COL9A2: variants seen among roughly 807,000 people sequenced by gnomAD.
COL9A2 encodes the protein collagen alpha-2(IX) chain.
COL9A2 carries 66 observed loss-of-function variants against 111.6 expected under a neutral mutation model. That is an observed-to-expected ratio of 0.59 (90% CI 0.48 to 0.73). COL9A2 has a LOEUF of 0.73. COL9A2 is among the 30% of genes least tolerant of loss of function. COL9A2 has a pLI of 0.00. For synonymous variants in COL9A2, 353 were observed against 364.1 expected, an observed-to-expected ratio of 0.97 and a Z score of 0.35; for missense variants, 881 against 954.1, an observed-to-expected ratio of 0.92 and a Z score of 1.01.
rs1443709339 is a variant in COL9A2, at chr1:40,302,819, G to A, written c.1604-10C>T. 1 of 1,505,948 alleles carries A rather than the reference G, an allele frequency of 6.6e-7. No homozygotes were observed. The highest frequency in any genetic ancestry group is 8.8e-7 in the Non-Finnish European group (1 of 1,132,220). 93.3% of individuals were successfully genotyped at this position (1,505,948 alleles called of 1,614,324 possible). The stretch of plus-strand genomic sequence containing the variant: ...ACCTCTGCCAGTTGCTCTGGAGGGA[G>A]GGAGGGAGGGAGGGAGAGGGAAGTC... On this transcript the variant is annotated splice_polypyrimidine_tract_variant and intron_variant, in intron 29 of 31. Transcript: ENST00000372748. This position sits in a 1 kb window ranked among gnomAD's most constrained non-coding sequence, Gnocchi z 4.5.
Position 40,317,204 on chromosome 1 carries a change from C to T in COL9A2, c.-7G>A, listed in dbSNP as rs768499491. 15 of 1,554,924 alleles carry T rather than the reference C, an allele frequency of 9.6e-6. No homozygotes were observed. The South Asian group carries it at 1.4e-4, about 15-fold the overall frequency. On this transcript the variant is annotated 5_prime_UTR_variant, in exon 1 of 32. Transcript: ENST00000372748. This position sits in a 1 kb window ranked among gnomAD's most constrained non-coding sequence, Gnocchi z 4.3. ...AGGCCGTAGCGGCGGCCATGGCTGG[C>T]GGCGAGACCAAGGGGGACGGGTGCG...
In COL9A2 at chr1:40,315,321, G is replaced by A. The variant is rs1203897439; in HGVS notation, c.150+269C>T. On this transcript the variant is annotated intron_variant, in intron 2 of 31. Coordinates refer to ENST00000372748, the MANE Select transcript of COL9A2 (RefSeq NM_001852.4). ...CACAAGGAGGGGAAAGGAGAGGAGG[G>A]GGATGAGGCCTCGCTGTGAGCTGCG... 5 of 1,313,420 alleles carry A rather than the reference G, an allele frequency of 3.8e-6. No homozygotes were observed. In the African/African-American group the frequency reaches 7.6e-5, roughly 20 times the overall value. 81.4% of individuals were successfully genotyped at this position (1,313,420 alleles called of 1,614,324 possible). A position where few individuals can be genotyped will look rare whatever the true frequency, so the allele number is the denominator to read the frequency against.
At chr1:40,315,488 C>T (rs1369055662) in intron 2 of COL9A2, 102 bp downstream of exon 2, 1 of 1,474,598 alleles carries the variant, frequency 6.8e-7, no homozygotes, top group Non-Finnish European at 9.0e-7. Context: ...AGGGGCACTA[C>T]ATCTCCGGGC....
Position 40,307,868 on chromosome 1 carries a change from GGT to G in COL9A2, c.901-114_901-113del. ...CAGTGTGCAGGGAGGGAGTGGCTCT[GGT>G]CATCCCAGGAAGCCCCACTGGCCAA... On this transcript the variant is annotated intron_variant, in intron 17 of 31. Transcript: ENST00000372748. This position sits in a 1 kb window ranked among gnomAD's most constrained non-coding sequence, Gnocchi z 4.8. 8.3e-7 allele frequency: 1 copy of G among 1,198,316 alleles called. No homozygotes were observed. The highest frequency in any genetic ancestry group is 1.2e-6 in the Non-Finnish European group (1 of 821,972). The allele number at this position is 1,198,316 out of a possible 1,614,324, so 74.2% of individuals were successfully genotyped here. A position where few individuals can be genotyped will look rare whatever the true frequency, so the allele number is the denominator to read the frequency against.
At chr1:40,301,620 G>A (rs1452717257) in intron 31 of COL9A2, among the ~76,000 whole-genome samples, 192 bp downstream of exon 31, 1 of 152,240 alleles carries the variant, frequency 6.6e-6, no homozygotes, top group East Asian at 1.9e-4. Context: ...ATCCTGGGAA[G>A]TCCTGAGAGG....
At chr1:40,301,539 C>T (rs904030663) in intron 31 of COL9A2, among the ~76,000 whole-genome samples, 158 bp from the exon 32 acceptor site, 1 of 152,184 alleles carries the variant, frequency 6.6e-6, no homozygotes, top group Non-Finnish European at 1.5e-5. Context: ...TGTCCCCTAC[C>T]CCCAGCTCCC....
At position 40,310,436 on chromosome 1, in the gene COL9A2, T is replaced by C; in HGVS notation, c.685-119A>G. 5 of 1,044,022 alleles carry C rather than the reference T, an allele frequency of 4.8e-6. No individual in the cohort carries two copies. Among genetic ancestry groups the C allele is most frequent in the Non-Finnish European group, 7.4e-6 (5 of 679,510 alleles). The allele number at this position is 1,044,022 out of a possible 1,614,324, so 64.7% of individuals were successfully genotyped here. A position where few individuals can be genotyped will look rare whatever the true frequency, so the allele number is the denominator to read the frequency against. On this transcript the variant is annotated intron_variant, in intron 13 of 31. Coordinates refer to ENST00000372748, the MANE Select transcript of COL9A2 (RefSeq NM_001852.4). This position sits in a 1 kb window ranked among gnomAD's most constrained non-coding sequence, Gnocchi z 4.9. Reference sequence around the variant, plus strand: ...TGAGGTAGGCAGCAGAGTCTCTGTCTCATGGATGGGACATGGAGGTTCAGA... The same window carrying C: ...TGAGGTAGGCAGCAGAGTCTCTGTCCCATGGATGGGACATGGAGGTTCAGA...
At position 40,316,664 on chromosome 1, in the gene COL9A2, GC is replaced by G. The variant is rs1245389350; in HGVS notation, c.75+458del. The G allele has an allele frequency of 9.2e-6, 4 of 436,848 alleles. No homozygotes were observed. The highest frequency in any genetic ancestry group is 3.4e-4 in the Middle Eastern group (1 of 2,918). The allele number at this position is 436,848 out of a possible 1,614,324, so 27.1% of individuals were successfully genotyped here. On this transcript the variant is annotated intron_variant, in intron 1 of 31. Coordinates refer to ENST00000372748, the MANE Select transcript of COL9A2 (RefSeq NM_001852.4). This position sits in a 1 kb window ranked among gnomAD's most constrained non-coding sequence, Gnocchi z 5.5. ...TCTCTGCCCTACCCGCGCGCCCGCA[GC>G]CCCCGGCGGCCCTCGGAAGGGAGAC...
chr1:40,309,637 C>T (rs1197421136), intron 16 of COL9A2, among the ~76,000 whole-genome samples: 1 of 152,052 alleles, frequency 6.6e-6, no homozygotes, highest in Non-Finnish European at 1.5e-5. Context: ...GGCAGACACA[C>T]ACACACTCAC....
chr1:40,311,457 C>T lies in COL9A2; in HGVS notation c.519+43G>A. 6.4e-7 allele frequency: 1 copy of T among 1,573,108 alleles called. No homozygotes were observed. Among genetic ancestry groups the T allele is most frequent in the Non-Finnish European group, 8.7e-7 (1 of 1,144,464 alleles). On this transcript the variant is annotated intron_variant, in intron 10 of 31. Transcript: ENST00000372748. The surrounding 1 kb of genome is among the most constrained non-coding windows in gnomAD (Gnocchi z 5.1). Reference sequence around the variant, plus strand: ...GGCCCCGCCTCCCCATCTCTGTGGCCCCGCCCCCCTGTGTTAGCCCCGCCC... The same window carrying T: ...GGCCCCGCCTCCCCATCTCTGTGGCTCCGCCCCCCTGTGTTAGCCCCGCCC...
intron 21 of COL9A2, chr1:40,305,070 T>C (rs956457263): frequency 3.1e-5 from 13 of 422,856 alleles, no homozygotes; most frequent in African/African-American, 2.4e-4. Context: ...TCTTTTTTTT[T>C]TTTTTTTTTT....
In COL9A2 at chr1:40,309,924, G is replaced by A. The variant is rs948927483; in HGVS notation, c.846+14C>T. ...CAGGGGTCCTGACTGAACAATGGGT[G>A]CCTGAGGACTCACCTCGTCACCCTT... On this transcript the variant is annotated intron_variant, in intron 16 of 31. Coordinates refer to ENST00000372748, the MANE Select transcript of COL9A2 (RefSeq NM_001852.4). 3 of 1,613,116 alleles carry A rather than the reference G, an allele frequency of 1.9e-6. No homozygotes were observed. The highest frequency in any genetic ancestry group is 2.5e-6 in the Non-Finnish European group (3 of 1,179,918).
Position 40,302,775 on chromosome 1 carries a change from C to T in COL9A2, c.1638G>A (p.Arg546=), listed in dbSNP as rs1400624460. ...QLAEVAVSAK[R]EALGAVGMMG... ...TCATGCCCACCGCACCCAGGGCTTCCCGCTTGGCACTCACGGCGACCTCTG... is the reference window on the plus strand; with the variant it reads ...TCATGCCCACCGCACCCAGGGCTTCTCGCTTGGCACTCACGGCGACCTCTG... The change falls in exon 30 of 32, where the codon CGG becomes CGA. Residue 546 remains arginine, a synonymous_variant. Coordinates refer to ENST00000372748, the MANE Select transcript of COL9A2 (RefSeq NM_001852.4). This position sits in a 1 kb window ranked among gnomAD's most constrained non-coding sequence, Gnocchi z 4.5. The T allele has an allele frequency of 3.9e-6, 6 of 1,548,274 alleles. No individual in the cohort carries two copies. In the South Asian group the frequency reaches 5.9e-5, roughly 15 times the overall value.
intron 31 of COL9A2, 41 bp downstream of exon 31, chr1:40,301,771 G>T: frequency 6.3e-7 from 1 of 1,587,162 alleles, no homozygotes; most frequent in East Asian, 2.2e-5. Flanking sequence ...TAATTCCCAA[G>T]CTGAGGAACA....
At chr1:40,313,905 G>A (rs1163985507) in intron 4 of COL9A2, among the ~76,000 whole-genome samples, 1 of 152,176 alleles carries the variant, frequency 6.6e-6, no homozygotes, top group Admixed American at 6.5e-5. Context: ...TATTCAGCCT[G>A]ATCCTTGGAG....
chr1:40,312,347 A>G lies in COL9A2; in HGVS notation c.363+109T>C, dbSNP rs1644143600. 6.8e-7 allele frequency: 1 copy of G among 1,464,178 alleles called. No individual in the cohort carries two copies. Among genetic ancestry groups the G allele is most frequent in the Non-Finnish European group, 9.4e-7 (1 of 1,065,992 alleles). The allele number at this position is 1,464,178 out of a possible 1,614,324, so 90.7% of individuals were successfully genotyped here. On this transcript the variant is annotated intron_variant, in intron 7 of 31. Transcript: ENST00000372748. This position sits in a 1 kb window ranked among gnomAD's most constrained non-coding sequence, Gnocchi z 6.0. Reference sequence around the variant, plus strand: ...GGCAGGTCCACTTATTCCTGACACTATCACAGCAAGCTGGCTCCTTCCCAT... The same window carrying G: ...GGCAGGTCCACTTATTCCTGACACTGTCACAGCAAGCTGGCTCCTTCCCAT...
In COL9A2 at chr1:40,302,044, G is replaced by T. The variant is rs1234424077; in HGVS notation, c.1793-155C>A. On this transcript the variant is annotated intron_variant, in intron 30 of 31. Coordinates refer to ENST00000372748, the MANE Select transcript of COL9A2 (RefSeq NM_001852.4). This position sits in a 1 kb window ranked among gnomAD's most constrained non-coding sequence, Gnocchi z 4.5. The stretch of plus-strand genomic sequence containing the variant: ...GTCACGCAGGGCTTGTTAAATAAAG[G>T]AAGGTGCAGACAAAGGATGGAAGAT... Among the ~76,000 whole-genome samples, 1 of 152,230 alleles carries T rather than the reference G, an allele frequency of 6.6e-6. No individual in the cohort carries two copies. The highest frequency in any genetic ancestry group is 1.5e-5 in the Non-Finnish European group (1 of 68,042).
Position 40,312,570 on chromosome 1 carries a change from T to C in COL9A2, c.339+4A>G. On this transcript the variant is annotated splice_donor_region_variant and intron_variant, in intron 6 of 31. Transcript: ENST00000372748. This position sits in a 1 kb window ranked among gnomAD's most constrained non-coding sequence, Gnocchi z 6.0. ...CCCTCGAAGCCCTTGCAGGTTGTACTCACCGGAAGGCCAGGAGGACCAGGA... is the reference window on the plus strand; with the variant it reads ...CCCTCGAAGCCCTTGCAGGTTGTACCCACCGGAAGGCCAGGAGGACCAGGA... 6.2e-7 allele frequency: 1 copy of C among 1,613,956 alleles called. No individual in the cohort carries two copies.
chr1:40,316,728 C>A lies in COL9A2; in HGVS notation c.75+395G>T, dbSNP rs1340140485. The A allele has an allele frequency of 2.7e-6, 1 of 367,738 alleles. No homozygotes were observed. Among genetic ancestry groups the A allele is most frequent in the South Asian group, 2.1e-5 (1 of 47,894 alleles). The allele number at this position is 367,738 out of a possible 1,614,324, so 22.8% of individuals were successfully genotyped here. ...GCAGGGCCGAGAGGCCGCCTCGGGG[C>A]GACAGCGGCGTCTGGTTGGAGCCGG... On this transcript the variant is annotated intron_variant, in intron 1 of 31. Transcript: ENST00000372748. The surrounding 1 kb of genome is among the most constrained non-coding windows in gnomAD (Gnocchi z 5.5).
Sources: allele counts gnomAD v4.1 joint callset (sites outside exome capture counted in the v4.1 genomes callset), GRCh38; gene constraint gnomAD v4.1.1; non-coding constraint Gnocchi (gnomAD v3.1); transcripts MANE v1.5; gene names NCBI Gene and HGNC (gene_info 2026-07-23, HGNC 2026-07-21).